The following PLEC variants were observed in gnomAD, a reference collection of about 807,000 sequenced individuals.
PLEC encodes plectin, also known as hemidesmosomal protein 1.
A neutral mutation model predicts 392.8 loss-of-function variants in PLEC; 216 were observed. That is an observed-to-expected ratio of 0.55 (90% CI 0.49 to 0.62). PLEC has a LOEUF of 0.62. PLEC is among the 20% of genes least tolerant of loss of function. The probability of loss-of-function intolerance (pLI) is 0.00; values close to 1 mark genes in which losing one functional copy is unlikely to be tolerated. For missense variants in PLEC, 6,863 were observed against 6,563.4 expected (o/e 1.05, Z -1.58); for synonymous variants, 3,621 against 2,980.6 (o/e 1.21, Z -7.00).
Position 143,918,477 on chromosome 8 carries a change from G to A in PLEC, c.11344C>T (p.Leu3782Phe), listed in dbSNP as rs1554675399. The change falls in exon 32 of 32, where the codon CTC becomes TTC. Residue 3782 changes from leucine to phenylalanine, a missense_variant. Physicochemically the swap from Leu to Phe is conservative, Grantham distance 22. Coordinates refer to ENST00000345136, the MANE Select transcript of PLEC (RefSeq NM_201384.3). The stretch of plus-strand genomic sequence containing the variant: ...AGCTCCTTCTTCATGGCCTGGAAGA[G>A]CGAGATGGTCTGCTCGGTGTAGGGG... Reference protein sequence around the residue: ...RDPYTEQTISLFQAMKKELIP... With the variant: ...RDPYTEQTISFFQAMKKELIP... The A allele has an allele frequency of 1.9e-6, 3 of 1,596,116 alleles. No individual in the cohort carries two copies. The highest frequency in any genetic ancestry group is 2.3e-5 in the East Asian group (1 of 44,108).
At chr8:143,963,290 T>G (rs1832949296) in intron 1 of PLEC, among the ~76,000 whole-genome samples, 1 of 152,146 alleles carries the variant, frequency 6.6e-6, no homozygotes, top group Admixed American at 6.5e-5. Context: ...GTGCTACCCT[T>G]TGAGAAAAAG....
In PLEC at chr8:143,921,840, C is replaced by G. The variant is rs1554687345; in HGVS notation, c.7981G>C (p.Ala2661Pro). ...AGCTCCTCCGCACTCAGGATGCCGGCCTCCTGCAGCCTCTGAGCTGACACC... is the reference window on the plus strand; with the variant it reads ...AGCTCCTCCGCACTCAGGATGCCGGGCTCCTGCAGCCTCTGAGCTGACACC... ...RKVSAQRLQE[A>P]GILSAEELQR... Residue 2661 changes from alanine (A) to proline (P), a missense_variant, in exon 32 of 32, where the codon GCC becomes CCC. Ala to Pro is a conservative substitution (Grantham distance 27). Transcript: ENST00000345136. 1.2e-6 allele frequency: 2 copies of G among 1,605,410 alleles called. No homozygotes were observed. The highest frequency in any genetic ancestry group is 1.7e-6 in the Non-Finnish European group (2 of 1,179,746).
chr8:143,968,309 G>T, intron 1 of PLEC, among the ~76,000 whole-genome samples: 1 of 151,860 alleles, frequency 6.6e-6, no homozygotes, highest in Non-Finnish European at 1.5e-5. Context: ...GACACCACCG[G>T]CCAGGTGAGG....
chr8:143,918,265 G>A lies in PLEC; in HGVS notation c.11556C>T (p.Asp3852=), dbSNP rs377609149. 1.4e-5 allele frequency: 22 copies of A among 1,591,910 alleles called. No individual in the cohort carries two copies. Among genetic ancestry groups the A allele is most frequent in the East Asian group, 4.5e-5 (2 of 44,664 alleles). Residue 3852 remains aspartate, a synonymous_variant, in exon 32 of 32, where the codon GAC becomes GAT. Transcript: ENST00000345136. Reference sequence around the variant, plus strand: ...GCAGCTGCGTGTAGCTGAGGCGCTCGTCGGTGGACGGGTCCACGTAGCTGC... The same window carrying A: ...GCAGCTGCGTGTAGCTGAGGCGCTCATCGGTGGACGGGTCCACGTAGCTGC... ...EVRSYVDPST[D]ERLSYTQLLR... is the part of the protein sequence containing the mutation.
intron 1 of PLEC, among the ~76,000 whole-genome samples, chr8:143,965,559 C>T (rs949618232): frequency 6.6e-6 from 1 of 152,222 alleles, no homozygotes; most frequent in Admixed American, 6.5e-5. Flanking sequence ...ATGACCCCAG[C>T]GGTGGGAGAT....
At chr8:143,967,502 C>T (rs1341594114) in intron 1 of PLEC, among the ~76,000 whole-genome samples, 1 of 152,004 alleles carries the variant, frequency 6.6e-6, no homozygotes, top group Non-Finnish European at 1.5e-5. Flanking sequence ...GTTCCGTGAG[C>T]TGGTGCTGCC....
At chr8:143,963,460 C>A (rs1832954216) in intron 1 of PLEC, among the ~76,000 whole-genome samples, 1 of 152,170 alleles carries the variant, frequency 6.6e-6, no homozygotes, top group Non-Finnish European at 1.5e-5. Flanking sequence ...GGACTGGCAA[C>A]CCCTTTATTC....
chr8:143,957,952 C>G (rs536216625), upstream of PLEC, among the ~76,000 whole-genome samples: 1 of 152,214 alleles, frequency 6.6e-6, no homozygotes, highest in Non-Finnish European at 1.5e-5. Flanking sequence ...ATACCTCCAC[C>G]TGGGGCCCCC....
Position 143,929,093 on chromosome 8 carries a change from G to A in PLEC, c.3260+10C>T, listed in dbSNP as rs886179070. 6.4e-7 allele frequency: 1 copy of A among 1,563,830 alleles called. No homozygotes were observed. The highest frequency in any genetic ancestry group is 8.7e-7 in the Non-Finnish European group (1 of 1,154,552). Reference sequence around the variant, plus strand: ...ACCCCAGCCCCTCGCCTGTGGCCAGGTGCACTCACTTCTCCAGGTAGATGG... The same window carrying A: ...ACCCCAGCCCCTCGCCTGTGGCCAGATGCACTCACTTCTCCAGGTAGATGG... On this transcript the variant is annotated intron_variant, in intron 25 of 31. Coordinates refer to ENST00000345136, the MANE Select transcript of PLEC (RefSeq NM_201384.3).
rs1554699773 is a variant in PLEC, at chr8:143,924,924, C to T, written c.5005G>A (p.Ala1669Thr). The T allele has an allele frequency of 6.3e-7, 1 of 1,584,846 alleles. No individual in the cohort carries two copies. The highest frequency in any genetic ancestry group is 1.1e-5 in the South Asian group (1 of 88,804). ...QAEAEKQKEE[A>T]EREARRRGKA... ...CCGCGCCGCCGCGCCTCGCGCTCCGCCTCCTCCTTCTGCTTCTCAGCCTCG... is the reference window on the plus strand; with the variant it reads ...CCGCGCCGCCGCGCCTCGCGCTCCGTCTCCTCCTTCTGCTTCTCAGCCTCG... Residue 1669 changes from alanine to threonine, a missense_variant, in exon 31 of 32, where the codon GCG (alanine) becomes ACG (threonine). Transcript: ENST00000345136.
At chr8:143,938,002 C>T (rs990517184) in intron 3 of PLEC, 149 bp downstream of exon 3, 12 of 658,566 alleles carry the variant, frequency 1.8e-5, no homozygotes, top group African/African-American at 3.6e-5. Flanking sequence ...CTGCCAGGGA[C>T]GAGGCCAGCC....
At chr8:143,952,763 C>A (rs1832320034), upstream of PLEC, among the ~76,000 whole-genome samples, 1 of 150,202 alleles carries the variant, frequency 6.7e-6, no homozygotes, top group Admixed American at 6.6e-5. Flanking sequence ...CCAGGACTGA[C>A]CCCCGCTGGG....
chr8:143,927,120 T>TGG, intron 28 of PLEC, 39 bp from the exon 29 acceptor site: 1 of 1,576,970 alleles, frequency 6.3e-7, no homozygotes, highest in East Asian at 2.2e-5. Flanking sequence ...AGCTCTGCCC[T>TGG]CCGATGGCCC....
In PLEC at chr8:143,932,458, A is replaced by T; in HGVS notation, c.1919T>A (p.Val640Glu). Residue 640 changes from valine (V) to glutamate (E), a missense_variant, in exon 16 of 32, where the codon GTG (valine) becomes GAG (glutamate). By Grantham distance (121) the Val-to-Glu change is moderately radical. Coordinates refer to ENST00000345136, the MANE Select transcript of PLEC (RefSeq NM_201384.3). ...MWLNEKEEEEVGFDWSDRNTN... is the reference protein window; with the variant it reads ...MWLNEKEEEEEGFDWSDRNTN... ...GTTGCGGTCGCTCCAGTCGAAGCCC[A>T]CCTCCTCCTCCTCCTTCTCATTCAG... is the stretch of plus-strand genomic sequence containing the variant. The T allele has an allele frequency of 1.9e-6, 3 of 1,612,272 alleles. No homozygotes were observed. Among genetic ancestry groups the T allele is most frequent in the Non-Finnish European group, 2.5e-6 (3 of 1,179,842 alleles).
At chr8:143,955,773 A>T (rs1554739053), upstream of PLEC, among the ~76,000 whole-genome samples, 1 of 151,040 alleles carries the variant, frequency 6.6e-6, no homozygotes, top group African/African-American at 2.4e-5. Context: ...TTCATCTTTT[A>T]ATTTTTTATA....
upstream of PLEC, among the ~76,000 whole-genome samples, chr8:143,940,322 G>A (rs781795284): frequency 6.6e-6 from 1 of 152,338 alleles, no homozygotes; most frequent in Admixed American, 6.5e-5. Context: ...CGGGCCTCAT[G>A]GGGGAATGGA....
At chr8:143,939,701 C>G (rs942357499), upstream of PLEC, 1 of 1,329,918 alleles carries the variant, frequency 7.5e-7, no homozygotes, top group Non-Finnish European at 9.8e-7. Context: ...AGTGTCCCGG[C>G]GGGAAGGAGC....
At chr8:143,945,630 C>T (rs1831349921) in intron 1 of PLEC, among the ~76,000 whole-genome samples, 1 of 152,232 alleles carries the variant, frequency 6.6e-6, no homozygotes. Context: ...ATGAAGGCCT[C>T]ATACAGACCA....
In PLEC at chr8:143,973,443, G is replaced by A; in HGVS notation, c.30C>T (p.Asp10=). Residue 10 remains aspartate, a synonymous_variant, in exon 1 of 32, where the codon GAC becomes GAT. Transcript: ENST00000356346. The surrounding 1 kb of genome is among the most constrained non-coding windows in gnomAD (Gnocchi z 5.6). ...GCACCTCCTCGTAGGCCTGGATGAA[G>A]TCCTGCTCGTCGGGCAGCGGGCCGG... 1 of 1,524,912 alleles carries A rather than the reference G, an allele frequency of 6.6e-7. No individual in the cohort carries two copies. Among genetic ancestry groups the A allele is most frequent in the African/African-American group, 1.4e-5 (1 of 69,558 alleles). The allele number at this position is 1,524,912 out of a possible 1,614,324, so 94.5% of individuals were successfully genotyped here. A position where few individuals can be genotyped will look rare whatever the true frequency, so the allele number is the denominator to read the frequency against.
Sources: gnomAD v4.1 joint callset for allele counts (sites outside exome capture counted in the v4.1 genomes callset) on GRCh38, gnomAD v4.1.1 for gene constraint, Gnocchi (gnomAD v3.1) non-coding constraint, MANE v1.5 for transcripts, NCBI Gene and HGNC (gene_info 2026-07-23, HGNC 2026-07-21) for gene names.